PCDH11X: variants seen among roughly 807,000 people sequenced by gnomAD.
The protein encoded by PCDH11X is protocadherin 11 X-linked, also known as protocadherin-11 X-linked.
In PCDH11X, 18 loss-of-function variants were observed where a neutral mutation model predicts 53.3. The observed-to-expected ratio is 0.34, with a 90% CI of 0.23 to 0.50. The LOEUF is 0.50. Ranked by LOEUF, PCDH11X falls within the 20% of genes least tolerant of loss-of-function variation. The probability of loss-of-function intolerance (pLI) is 0.98; values close to 1 mark genes in which losing one functional copy is unlikely to be tolerated. For synonymous variants in PCDH11X, 279 were observed against 393.3 expected, an observed-to-expected ratio of 0.71 and a Z score of 3.44; for missense variants, 570 against 1,032.4, an observed-to-expected ratio of 0.55 and a Z score of 6.14.
In PCDH11X at chrX:91,901,174, A is replaced by T. The variant is rs543242879; in HGVS notation, c.3033+21901A>T. ...AGGTTTGTTGTGTAAATTAAATTAG[A>T]TAACCTATGAAATGTGACTGGGATA... On this transcript the variant is annotated intron_variant, in intron 6 of 10. Transcript: ENST00000682573. Among the ~76,000 whole-genome samples the T allele has an allele frequency of 2.2e-3, 243 of 111,378 alleles. No individual in the cohort carries two copies. The South Asian group carries it at 0.031, about 14-fold the overall frequency.
chrX:92,542,299 G>GT (rs1227693717), intron 10 of PCDH11X, among the ~76,000 whole-genome samples: 2 of 110,993 alleles, frequency 1.8e-5, no homozygotes, highest in Non-Finnish European at 3.8e-5. Context: ...TCAATATTAG[G>GT]ACCTTTTAAT....
intron 8 of PCDH11X, among the ~76,000 whole-genome samples, chrX:92,338,878 A>G (rs2148512903): frequency 8.9e-6 from 1 of 111,903 alleles, no homozygotes; most frequent in East Asian, 2.8e-4. Context: ...ATTTGAATTT[A>G]TTTACTTTTA....
At chrX:92,175,803 CAGAG>C (rs1231083619) in intron 6 of PCDH11X, among the ~76,000 whole-genome samples, 6 of 94,720 alleles carry the variant, frequency 6.3e-5, no homozygotes, top group African/African-American at 1.9e-4. Flanking sequence ...CACACACACA[CAGAG>C]AGAGAGAGAG....
At chrX:92,433,602 T>C (rs1487959804) in intron 9 of PCDH11X, among the ~76,000 whole-genome samples, 2 of 109,389 alleles carry the variant, frequency 1.8e-5, no homozygotes, top group African/African-American at 6.6e-5. Flanking sequence ...ATGGGACTTG[T>C]AATTGATTAC....
chrX:92,039,534 ATGT>A (rs1296663475), intron 6 of PCDH11X, among the ~76,000 whole-genome samples: 2 of 110,333 alleles, frequency 1.8e-5, no homozygotes, highest in African/African-American at 6.6e-5. Flanking sequence ...GCCACTGCTA[ATGT>A]TCACTTAAAG....
chrX:92,437,290 A>G (rs1203601560), intron 9 of PCDH11X, among the ~76,000 whole-genome samples: 1 of 111,632 alleles, frequency 9.0e-6, no homozygotes. Flanking sequence ...TTATAATTCT[A>G]ACTAAAGATA....
At chrX:92,604,417 A>G (rs1165235588) in intron 10 of PCDH11X, among the ~76,000 whole-genome samples, 1 of 110,504 alleles carries the variant, frequency 9.0e-6, no homozygotes, top group Non-Finnish European at 1.9e-5. Context: ...CTAGACACTA[A>G]GAGAATAACA....
intron 7 of PCDH11X, among the ~76,000 whole-genome samples, chrX:92,209,662 G>T (rs966799539): frequency 3.6e-5 from 4 of 111,782 alleles, no homozygotes; most frequent in African/African-American, 1.3e-4. Flanking sequence ...CTGGGGTCTG[G>T]AAAACAGTGG....
chrX:92,427,642 G>A lies in PCDH11X; in HGVS notation c.3343+39709G>A, dbSNP rs769970494. ...TGGTATAGTATAACTTCTCATAACCGTTAATTATTTTATTGCCATTATTGC... is the reference window on the plus strand; with the variant it reads ...TGGTATAGTATAACTTCTCATAACCATTAATTATTTTATTGCCATTATTGC... On this transcript the variant is annotated intron_variant, in intron 9 of 10. Transcript: ENST00000682573. Among the ~76,000 whole-genome samples, 3 of 35,162 alleles carry A rather than the reference G, an allele frequency of 8.5e-5. No homozygotes were observed. In the South Asian group the frequency reaches 7.6e-3, roughly 89 times the overall value. 30.5% of individuals were successfully genotyped at this position (35,162 alleles called of 115,157 possible).
chrX:91,797,477 A>G (rs1221344504), intron 1 of PCDH11X, among the ~76,000 whole-genome samples: 5 of 102,448 alleles, frequency 4.9e-5, no homozygotes, highest in Non-Finnish European at 7.9e-5. Context: ...TCAAGTTAAA[A>G]TAAGAACTTT....
chrX:92,293,602 G>A (rs1004924983), intron 8 of PCDH11X, among the ~76,000 whole-genome samples: 4 of 96,638 alleles, frequency 4.1e-5, no homozygotes, highest in East Asian at 7.9e-4. Context: ...CAGCCTGGGC[G>A]ACAGAGCGAG....
intron 6 of PCDH11X, among the ~76,000 whole-genome samples, chrX:91,932,671 A>AGT (rs67334455): frequency 0.22 from 21,102 of 94,294 alleles, 2,546 homozygotes; most frequent in East Asian, 0.5. Context: ...GCATTGTGTG[A>AGT]GTGTGTGTGT....
intron 8 of PCDH11X, among the ~76,000 whole-genome samples, chrX:92,277,931 AG>A (rs2068145052): frequency 8.9e-6 from 1 of 111,763 alleles, no homozygotes; most frequent in Non-Finnish European, 1.9e-5. Context: ...TGAAGGACCA[AG>A]GCAGGCATCC....
chrX:91,930,310 G>A (rs1244289808), intron 6 of PCDH11X, among the ~76,000 whole-genome samples: 2 of 109,207 alleles, frequency 1.8e-5, no homozygotes, highest in African/African-American at 6.6e-5. Flanking sequence ...AAAATGCTGT[G>A]CATGTATGTC....
At chrX:91,953,633 T>G (rs1412905264) in intron 6 of PCDH11X, among the ~76,000 whole-genome samples, 1 of 111,135 alleles carries the variant, frequency 9.0e-6, no homozygotes, top group Non-Finnish European at 1.9e-5. Flanking sequence ...TGTTCCTCCA[T>G]GCATCTTAGT....
chrX:92,499,444 G>GA (rs67442304), intron 10 of PCDH11X, among the ~76,000 whole-genome samples: 26,234 of 72,273 alleles, frequency 0.36, 5,514 homozygotes, highest in East Asian at 0.8. Context: ...TCTGGAGTTT[G>GA]AAAAAAAAAA....
chrX:92,497,469 A>G (rs2073879965), intron 10 of PCDH11X, among the ~76,000 whole-genome samples: 1 of 109,679 alleles, frequency 9.1e-6, no homozygotes, highest in African/African-American at 3.3e-5. Context: ...AGGAGGGTAG[A>G]TTATTCTTTA....
chrX:91,818,230 T>TTTTG (rs1936514250), intron 4 of PCDH11X, among the ~76,000 whole-genome samples: 1 of 111,256 alleles, frequency 9.0e-6, no homozygotes, highest in African/African-American at 3.3e-5. Context: ...TAGGAGCCTC[T>TTTTG]AGTACCTAAT....
At chrX:92,503,114 C>A (rs1259910150) in intron 10 of PCDH11X, among the ~76,000 whole-genome samples, 1 of 110,872 alleles carries the variant, frequency 9.0e-6, no homozygotes, top group Admixed American at 9.6e-5. Flanking sequence ...GGCCAACAAA[C>A]ATATGAAAAA....
Sources: gnomAD v4.1 joint callset for allele counts (sites outside exome capture counted in the v4.1 genomes callset) on GRCh38, gnomAD v4.1.1 for gene constraint, MANE v1.5 for transcripts, NCBI Gene and HGNC (gene_info 2026-07-23, HGNC 2026-07-21) for gene names.